CNTNAP2: variants seen among roughly 807,000 people sequenced by gnomAD.
CNTNAP2 encodes the protein contactin associated protein 2, also known as contactin-associated protein-like 2.
In CNTNAP2, 98 loss-of-function variants were observed where a neutral mutation model predicts 155.2. That is an observed-to-expected ratio of 0.63 (90% CI 0.54 to 0.75). CNTNAP2 has a LOEUF of 0.75. CNTNAP2 is among the 30% of genes least tolerant of loss of function. The probability of loss-of-function intolerance (pLI) is 0.00; values close to 1 mark genes in which losing one functional copy is unlikely to be tolerated. For synonymous variants in CNTNAP2, 651 were observed against 631.2 expected, an observed-to-expected ratio of 1.03 and a Z score of -0.47; for missense variants, 1,727 against 1,688.1, an observed-to-expected ratio of 1.02 and a Z score of -0.40.
At chr7:147,588,692 C>A (rs1322148813) in intron 12 of CNTNAP2, among the ~76,000 whole-genome samples, 1 of 152,124 alleles carries the variant, frequency 6.6e-6, no homozygotes, top group Admixed American at 6.6e-5. Flanking sequence ...GACAGCTGGC[C>A]AGCCTGATGC....
In CNTNAP2 at chr7:147,300,128, T is replaced by G. The variant is rs1057523006; in HGVS notation, c.1349-13T>G. 1 of 1,613,870 alleles carries G rather than the reference T, an allele frequency of 6.2e-7. No homozygotes were observed. The highest frequency in any genetic ancestry group is 1.3e-5 in the African/African-American group (1 of 75,042). On this transcript the variant is annotated splice_polypyrimidine_tract_variant and intron_variant, in intron 8 of 23. Transcript: ENST00000361727. Reference sequence around the variant, plus strand: ...TTTTAAGATAAAAATGACTTTTATCTTGTACTTACCAGGTTCTGGGTTGAA... The same window carrying G: ...TTTTAAGATAAAAATGACTTTTATCGTGTACTTACCAGGTTCTGGGTTGAA...
intron 1 of CNTNAP2, among the ~76,000 whole-genome samples, chr7:146,187,921 G>A (rs1428151883): frequency 6.6e-6 from 1 of 152,150 alleles, no homozygotes; most frequent in African/African-American, 2.4e-5. Context: ...TAACCTGCCT[G>A]TTCCCATGCT....
intron 1 of CNTNAP2, among the ~76,000 whole-genome samples, chr7:146,575,286 T>G (rs1266668570): frequency 2.0e-5 from 3 of 152,014 alleles, no homozygotes; most frequent in Non-Finnish European, 4.4e-5. Flanking sequence ...CCGGCTAATT[T>G]TTGTATTCTT....
At chr7:146,427,052 T>C (rs897581574) in intron 1 of CNTNAP2, among the ~76,000 whole-genome samples, 8 of 152,262 alleles carry the variant, frequency 5.3e-5, no homozygotes, top group African/African-American at 1.7e-4. Context: ...AAACAAAAAC[T>C]ATTATAGTTA....
chr7:146,667,816 T>C (rs1231165118), intron 1 of CNTNAP2, among the ~76,000 whole-genome samples: 1 of 152,082 alleles, frequency 6.6e-6, no homozygotes, highest in Non-Finnish European at 1.5e-5. Context: ...TTTTCGTGTG[T>C]CGATTTTTTA....
At chr7:146,514,958 G>C (rs1234559017) in intron 1 of CNTNAP2, among the ~76,000 whole-genome samples, 1 of 151,920 alleles carries the variant, frequency 6.6e-6, no homozygotes, top group East Asian at 1.9e-4. Flanking sequence ...GGTTTGCCAG[G>C]GCTCTTGCAA....
rs1466452563 is a variant in CNTNAP2 at position 148,147,531 on chromosome 7, G to A, written c.2595G>A (p.Gly865=). ...CCTTTTCATTTGATGTGGGAAATGGGCCAGTAGAGATTGTAGTGAGGTCAC... is the reference window on the plus strand; with the variant it reads ...CCTTTTCATTTGATGTGGGAAATGGACCAGTAGAGATTGTAGTGAGGTCAC... ...EVSFSFDVGN[G]PVEIVVRSPT... is the part of the protein sequence containing the mutation. The change falls in exon 17 of 24, where the codon GGG becomes GGA. Residue 865 remains glycine (G), a synonymous_variant. Transcript: ENST00000361727. The A allele has an allele frequency of 1.2e-6, 2 of 1,614,060 alleles. No homozygotes were observed. Among genetic ancestry groups the A allele is most frequent in the Non-Finnish European group, 1.7e-6 (2 of 1,180,020 alleles).
intron 1 of CNTNAP2, among the ~76,000 whole-genome samples, chr7:146,445,436 T>C (rs1796389110): frequency 6.6e-6 from 1 of 152,162 alleles, no homozygotes; most frequent in Non-Finnish European, 1.5e-5. Flanking sequence ...CCTTATATAA[T>C]AGAAACCTAG....
chr7:146,848,299 T>A (rs1036636735), intron 3 of CNTNAP2, among the ~76,000 whole-genome samples: 13 of 152,150 alleles, frequency 8.5e-5, no homozygotes, highest in Non-Finnish European at 1.8e-4. Context: ...GAAGGTAGAA[T>A]TAGAATAACT....
chr7:147,391,513 A>C (rs1040749458), intron 9 of CNTNAP2, among the ~76,000 whole-genome samples: 1 of 152,180 alleles, frequency 6.6e-6, no homozygotes, highest in South Asian at 2.1e-4. Context: ...TATCTTAAAA[A>C]TGAATGGGTT....
intron 3 of CNTNAP2, among the ~76,000 whole-genome samples, chr7:146,857,078 C>T (rs1353466211): frequency 6.6e-6 from 1 of 152,154 alleles, no homozygotes; most frequent in Non-Finnish European, 1.5e-5. Flanking sequence ...TAACTATATA[C>T]TTACCTACAT....
chr7:147,030,953 C>T (rs1267905857), intron 3 of CNTNAP2, among the ~76,000 whole-genome samples: 1 of 152,160 alleles, frequency 6.6e-6, no homozygotes, highest in Non-Finnish European at 1.5e-5. Context: ...AATATACTTA[C>T]AAATAGGTCT....
rs191688354 is a variant in CNTNAP2 at position 146,928,749 on chromosome 7, C to T, written c.402+88845C>T. Reference sequence around the variant, plus strand: ...CTCCCACCCTAATACTGTGCTTTTCCGACAGGCTTAAAAAGCGGTGCACCA... The same window carrying T: ...CTCCCACCCTAATACTGTGCTTTTCTGACAGGCTTAAAAAGCGGTGCACCA... On this transcript the variant is annotated intron_variant, in intron 3 of 23. Coordinates refer to ENST00000361727, the MANE Select transcript of CNTNAP2 (RefSeq NM_014141.6). 3.9e-3 allele frequency among the ~76,000 whole-genome samples: 594 copies of T among 152,270 alleles called. 6 individuals carry two copies. Among genetic ancestry groups the T allele is most frequent in the Middle Eastern group, 0.024 (7 of 294 alleles).
At chr7:146,571,118 G>A (rs1798433059) in intron 1 of CNTNAP2, among the ~76,000 whole-genome samples, 1 of 152,030 alleles carries the variant, frequency 6.6e-6, no homozygotes. Context: ...GAATATTCTG[G>A]AATCTGTTTT....
At chr7:147,398,294 A>G (rs2116459697) in intron 10 of CNTNAP2, among the ~76,000 whole-genome samples, 1 of 152,126 alleles carries the variant, frequency 6.6e-6, no homozygotes, top group Non-Finnish European at 1.5e-5. Context: ...CCCCGTATCT[A>G]CAACTTTCTT....
chr7:148,117,241 G>T (rs1307408093), intron 15 of CNTNAP2, among the ~76,000 whole-genome samples: 9 of 152,176 alleles, frequency 5.9e-5, no homozygotes, highest in Admixed American at 5.9e-4. Context: ...ACAGAGGCTG[G>T]CTGAGAGCCA....
At chr7:147,599,715 A>G (rs1322252069) in intron 12 of CNTNAP2, among the ~76,000 whole-genome samples, 1 of 152,012 alleles carries the variant, frequency 6.6e-6, no homozygotes, top group Admixed American at 6.6e-5. Context: ...TCTTGTCATC[A>G]CATGGTATTC....
intron 1 of CNTNAP2, among the ~76,000 whole-genome samples, chr7:146,475,752 C>T (rs1796868057): frequency 6.6e-6 from 1 of 152,056 alleles, no homozygotes; most frequent in Non-Finnish European, 1.5e-5. Context: ...AGATAGATGG[C>T]AAATGAGTAA....
intron 13 of CNTNAP2, among the ~76,000 whole-genome samples, chr7:147,899,460 A>G (rs1799827827): frequency 6.6e-6 from 1 of 152,216 alleles, no homozygotes; most frequent in South Asian, 2.1e-4. Context: ...GTTAAACAAT[A>G]AAAGTAAGTT....
Sources: gnomAD v4.1 joint callset for allele counts (sites outside exome capture counted in the v4.1 genomes callset) on GRCh38, gnomAD v4.1.1 for gene constraint, MANE v1.5 for transcripts, NCBI Gene and HGNC (gene_info 2026-07-23, HGNC 2026-07-21) for gene names.